Variants in ZNF385D observed in about 807,000 individuals in gnomAD.
ZNF385D encodes the protein zinc finger protein 385D, also known as zinc finger protein 659.
ZNF385D carries 15 observed loss-of-function variants against 35.8 expected under a neutral mutation model. That is an observed-to-expected ratio of 0.42 (90% CI 0.28 to 0.64). The LOEUF (loss-of-function observed/expected upper bound fraction) is 0.64, where lower values mean the gene tolerates loss of function less well. ZNF385D is among the 30% of genes least tolerant of loss of function. The pLI is 0.23. For missense variants in ZNF385D, 474 were observed against 494.6 expected (o/e 0.96, Z 0.39); for synonymous variants, 212 against 186.8 (o/e 1.13, Z -1.10).
intron 3 of ZNF385D, among the ~76,000 whole-genome samples, chr3:22,158,716 T>A (rs962806356): frequency 5.3e-5 from 8 of 151,926 alleles, no homozygotes; most frequent in African/African-American, 1.9e-4. Context: ...GCTTAGTGTT[T>A]CTGAGAAACA....
intron 3 of ZNF385D, among the ~76,000 whole-genome samples, chr3:21,525,680 A>G (rs761193179): frequency 1.3e-4 from 11 of 83,752 alleles, no homozygotes; most frequent in Non-Finnish European, 2.7e-4. Flanking sequence ...GCAAAATTCC[A>G]TCTCAAAAAA....
rs1405311124 is a variant in ZNF385D, at chr3:21,886,113, C to A, written c.326-221085G>T. Among the ~76,000 whole-genome samples the A allele has an allele frequency of 2.6e-5, 4 of 152,080 alleles. No individual in the cohort carries two copies. The East Asian group carries it at 7.7e-4, about 29-fold the overall frequency. On this transcript the variant is annotated intron_variant, in intron 3 of 5. Transcript: ENST00000494108. ...CATAAAATTAACCATCACATAGATACATGGATAATTTTTCTTACAGTATCA... is the reference window on the plus strand; with the variant it reads ...CATAAAATTAACCATCACATAGATAAATGGATAATTTTTCTTACAGTATCA...
At chr3:21,476,318 A>AGT (rs1704245055) in intron 4 of ZNF385D, among the ~76,000 whole-genome samples, 1 of 152,106 alleles carries the variant, frequency 6.6e-6, no homozygotes, top group East Asian at 1.9e-4. Context: ...GATCTGACAA[A>AGT]GTAATCATAA....
rs1195090973 is a variant in ZNF385D at position 22,272,864 on chromosome 3, A to T, written c.106+99586T>A. Among the ~76,000 whole-genome samples, 7 of 152,140 alleles carry T rather than the reference A, an allele frequency of 4.6e-5. No individual in the cohort carries two copies. In the South Asian group the frequency reaches 1.2e-3, roughly 27 times the overall value. On this transcript the variant is annotated intron_variant, in intron 2 of 5. Transcript: ENST00000494108. ...GTGCTAAAATGTAGTCTAAGTGCTC[A>T]TATAGTTTCTCAATATTTTACTTGT...
intron 3 of ZNF385D, among the ~76,000 whole-genome samples, chr3:22,008,607 C>T (rs1696370132): frequency 1.3e-5 from 2 of 152,128 alleles, no homozygotes; most frequent in East Asian, 3.9e-4. Context: ...CCGCCCACCA[C>T]GGCCTCCCAA....
At chr3:21,586,035 A>G (rs2063800240) in intron 2 of ZNF385D, among the ~76,000 whole-genome samples, 1 of 42,366 alleles carries the variant, frequency 2.4e-5, no homozygotes, top group Non-Finnish European at 5.7e-5. Flanking sequence ...ATAAATACAA[A>G]TACATACACA....
At chr3:22,218,637 C>G (rs1698046769) in intron 2 of ZNF385D, among the ~76,000 whole-genome samples, 1 of 152,026 alleles carries the variant, frequency 6.6e-6, no homozygotes, top group Admixed American at 6.6e-5. Flanking sequence ...TTTTCTTGTT[C>G]CTCTCCTGCT....
intron 3 of ZNF385D, among the ~76,000 whole-genome samples, chr3:21,515,334 A>G (rs1183946024): frequency 6.6e-6 from 1 of 152,194 alleles, no homozygotes; most frequent in African/African-American, 2.4e-5. Context: ...TCTTTTACAA[A>G]ACATGTCTTA....
rs5847126 is a variant in ZNF385D at position 21,689,130 on chromosome 3, CAAAAAAA to C, written c.23-24109_23-24103del. On this transcript the variant is annotated intron_variant, in intron 1 of 7. Transcript: ENST00000281523. ...TCTGTCCTGCCCCACCTTATTGAAG[CAAAAAAA>C]AAAAAAAAAAAAAATACTATTCCAT... Among the ~76,000 whole-genome samples the C allele has an allele frequency of 6.1e-5, 7 of 114,338 alleles. 1 individual carries two copies. The highest frequency in any genetic ancestry group is 6.2e-4 in the South Asian group (2 of 3,250). 75.0% of individuals were successfully genotyped at this position (114,338 alleles called of 152,430 possible).
chr3:22,321,472 T>G (rs1046227290), intron 2 of ZNF385D, among the ~76,000 whole-genome samples: 8 of 152,042 alleles, frequency 5.3e-5, no homozygotes, highest in Non-Finnish European at 1.2e-4. Context: ...TTCAAGCGAT[T>G]CTCCTGTCTC....
intron 3 of ZNF385D, among the ~76,000 whole-genome samples, chr3:22,048,079 A>T (rs1318912994): frequency 4.0e-5 from 6 of 151,872 alleles, no homozygotes; most frequent in Admixed American, 3.9e-4. Flanking sequence ...TTCATTTCTT[A>T]ATCAGGTTAT....
chr3:22,303,191 A>AGC (rs1354073323), intron 2 of ZNF385D, among the ~76,000 whole-genome samples: 1 of 152,172 alleles, frequency 6.6e-6, no homozygotes, highest in Non-Finnish European at 1.5e-5. Context: ...CAAAATATCC[A>AGC]GCCTCTCTTG....
chr3:21,564,841 CTTGGAAAATA>C (rs981692293), intron 2 of ZNF385D, among the ~76,000 whole-genome samples, 157 bp from the exon 3 acceptor site: 3 of 152,042 alleles, frequency 2.0e-5, no homozygotes, highest in Admixed American at 2.0e-4. Context: ...TTTTTACTTT[CTTGGAAAATA>C]GATAACATTA....
intron 2 of ZNF385D, among the ~76,000 whole-genome samples, chr3:21,568,210 T>C (rs1210185581): frequency 6.6e-6 from 1 of 152,124 alleles, no homozygotes; most frequent in African/African-American, 2.4e-5. Flanking sequence ...CACGTATATA[T>C]CTACAACCAT....
chr3:22,083,822 C>T (rs1047100820), intron 3 of ZNF385D, among the ~76,000 whole-genome samples: 7 of 152,136 alleles, frequency 4.6e-5, no homozygotes, highest in Admixed American at 3.3e-4. Flanking sequence ...ATGTTAAGGG[C>T]AGCCAGAGAG....
intron 2 of ZNF385D, among the ~76,000 whole-genome samples, chr3:22,183,715 G>T (rs1695438970): frequency 6.9e-6 from 1 of 145,244 alleles, no homozygotes; most frequent in African/African-American, 2.7e-5. Context: ...TTTAAAAATG[G>T]GTTTAGTAGA....
At chr3:21,473,982 T>C (rs1268551624) in intron 4 of ZNF385D, among the ~76,000 whole-genome samples, 1 of 152,072 alleles carries the variant, frequency 6.6e-6, no homozygotes, top group Non-Finnish European at 1.5e-5. Flanking sequence ...TATATATAAA[T>C]ATGTGTAAGC....
At chr3:22,211,310 G>T (rs1250889344) in intron 2 of ZNF385D, among the ~76,000 whole-genome samples, 3 of 151,820 alleles carry the variant, frequency 2.0e-5, no homozygotes, top group Non-Finnish European at 4.4e-5. Context: ...AGCAAAAAAT[G>T]TTCTGAATAT....
intron 2 of ZNF385D, among the ~76,000 whole-genome samples, chr3:21,567,098 T>C (rs1223173252): frequency 6.8e-6 from 1 of 146,466 alleles, no homozygotes; most frequent in East Asian, 1.9e-4. Flanking sequence ...CATTTGCCAT[T>C]GATGAACACA....
Sources: gnomAD v4.1 joint callset for allele counts (sites outside exome capture counted in the v4.1 genomes callset) on GRCh38, gnomAD v4.1.1 for gene constraint, MANE v1.5 for transcripts, NCBI Gene and HGNC (gene_info 2026-07-23, HGNC 2026-07-21) for gene names.